The following VWA5A variants were observed in gnomAD, a reference collection of about 807,000 sequenced individuals.
VWA5A encodes the protein von Willebrand factor A domain-containing protein 5A.
VWA5A carries 77 observed loss-of-function variants against 84.6 expected under a neutral mutation model. The ratio of observed to expected loss-of-function variants is 0.91; its 90% CI spans 0.76 to 1.10. The LOEUF (loss-of-function observed/expected upper bound fraction) is 1.10. Among genes scored for constraint, VWA5A ranks in the 50% least tolerant of loss-of-function variants. The pLI is 0.00. For missense variants in VWA5A, 973 were observed against 963.0 expected (o/e 1.01, Z -0.14); for synonymous variants, 334 against 350.1 (o/e 0.95, Z 0.51).
intron 12 of VWA5A, among the ~76,000 whole-genome samples, chr11:124,135,549 G>A (rs1160435665): frequency 6.6e-5 from 3 of 45,132 alleles, no homozygotes; most frequent in African/African-American, 3.4e-4. Flanking sequence ...TTTTTTTTCT[G>A]AGACGGAGTC....
chr11:124,143,939 T>C (rs1037451459), intron 17 of VWA5A, among the ~76,000 whole-genome samples: 1 of 151,952 alleles, frequency 6.6e-6, no homozygotes, highest in Admixed American at 6.6e-5. Flanking sequence ...GATGAGAACA[T>C]GGACCAAGTA....
chr11:124,120,960 G>A (rs989760393), intron 7 of VWA5A, among the ~76,000 whole-genome samples: 2 of 152,158 alleles, frequency 1.3e-5, no homozygotes, highest in Non-Finnish European at 2.9e-5. Context: ...AGGCCAAGGG[G>A]GGACATCAGG....
intron 11 of VWA5A, among the ~76,000 whole-genome samples, chr11:124,127,882 T>C (rs1865043023): frequency 6.6e-6 from 1 of 152,158 alleles, no homozygotes; most frequent in South Asian, 2.1e-4. Flanking sequence ...TCTTGTAAAT[T>C]TGTAAGTTCT....
rs755982004 is a variant in VWA5A, at chr11:124,141,564, G to A, written c.1880-34G>A. 3 of 1,611,322 alleles carry A rather than the reference G, an allele frequency of 1.9e-6. No homozygotes were observed. In the Admixed American group the frequency reaches 5.0e-5, roughly 27 times the overall value. On this transcript the variant is annotated intron_variant, in intron 15 of 18. Transcript: ENST00000456829. ...TCCTTTGCCCACTGCAGAGAGCAGG[G>A]AGTGCCACTGTCTTAATGTTTGGAT...
intron 15 of VWA5A, among the ~76,000 whole-genome samples, chr11:124,139,855 G>A (rs923098754): frequency 1.3e-5 from 2 of 152,126 alleles, no homozygotes; most frequent in Non-Finnish European, 2.9e-5. Context: ...AGTGGTGAAA[G>A]TCAGCATCCT....
chr11:124,143,205 A>C (rs1362471392), intron 17 of VWA5A, among the ~76,000 whole-genome samples: 1 of 152,224 alleles, frequency 6.6e-6, no homozygotes, highest in Non-Finnish European at 1.5e-5. Flanking sequence ...GGAACCACCT[A>C]GTTGTTTCAG....
intron 13 of VWA5A, 28 bp from the exon 14 acceptor site, chr11:124,136,546 G>A (rs531293517): frequency 7.5e-6 from 12 of 1,603,558 alleles, no homozygotes; most frequent in Admixed American, 6.7e-5. Flanking sequence ...TACATGTTCC[G>A]TCATTTCTAC....
intron 17 of VWA5A, among the ~76,000 whole-genome samples, chr11:124,143,736 G>C (rs528538242): frequency 4.9e-4 from 75 of 152,182 alleles, no homozygotes; most frequent in African/African-American, 1.7e-3. Context: ...GGAAAATGCT[G>C]TTCTAGAAAA....
intron 17 of VWA5A, among the ~76,000 whole-genome samples, chr11:124,143,632 T>A (rs183401616): frequency 7.1e-4 from 108 of 152,344 alleles, no homozygotes; most frequent in African/African-American, 2.5e-3. Context: ...TTAAATAAAA[T>A]ATATCAGTAA....
Position 124,118,332 on chromosome 11 carries a change from G to T in VWA5A, c.390G>T (p.Val130=), listed in dbSNP as rs542643434. ...AGGCGGCAGTCACCCTGAAGTATGT[G>T]CAGGAGCTGCCTCTGGAAGCAGATG... ...GSKAAVTLKY[V]QELPLEADGA... Residue 130 remains valine, a synonymous_variant, in exon 5 of 19, where the codon GTG becomes GTT. Transcript: ENST00000456829. 1 of 1,614,232 alleles carries T rather than the reference G, an allele frequency of 6.2e-7. No homozygotes were observed. The highest frequency in any genetic ancestry group is 1.1e-5 in the South Asian group (1 of 91,088).
Position 124,134,913 on chromosome 11 carries a change from A to T in VWA5A, c.1245-7A>T. 1 of 1,608,886 alleles carries T rather than the reference A, an allele frequency of 6.2e-7. No individual in the cohort carries two copies. ...TTCCTCTAACCTCTGTCCTGTTACA[A>T]TTGCAGGTGTTTCTCATTTGGTATT... On this transcript the variant is annotated splice_polypyrimidine_tract_variant and splice_region_variant and intron_variant, in intron 11 of 18. Coordinates refer to ENST00000456829, the MANE Select transcript of VWA5A (RefSeq NM_001130142.2).
At chr11:124,122,105 C>T (rs1186298063) in intron 7 of VWA5A, among the ~76,000 whole-genome samples, 1 of 152,180 alleles carries the variant, frequency 6.6e-6, no homozygotes, top group African/African-American at 2.4e-5. Flanking sequence ...AATCCCAGGA[C>T]TACTGAGAAT....
chr11:124,133,964 C>G (rs1385524950), intron 11 of VWA5A, among the ~76,000 whole-genome samples: 1 of 152,186 alleles, frequency 6.6e-6, no homozygotes, highest in African/African-American at 2.4e-5. Flanking sequence ...CTAGGCTGCT[C>G]TTGAACTCCT....
intron 18 of VWA5A, 145 bp from the exon 19 acceptor site, chr11:124,145,721 C>G: frequency 1.2e-6 from 1 of 859,488 alleles, no homozygotes; most frequent in Non-Finnish European, 1.7e-6. Flanking sequence ...AGAGAAGATT[C>G]AAGGAGAATC....
Position 124,145,358 on chromosome 11 carries a change from A to G in VWA5A, c.2276A>G (p.His759Arg), listed in dbSNP as rs200614108. Residue 759 changes from histidine (H) to arginine (R), a missense_variant, in exon 18 of 19, where the codon CAT becomes CGT. Transcript: ENST00000456829. ...AAGGCCGTGGCCTGGATGCGTGCCC[A>G]TGCAGGTAGGAGCACAATCCTAAGG... ...ERKAVAWMRA[H>R]AGSTMPSVVK... The G allele has an allele frequency of 2.4e-4, 387 of 1,612,186 alleles. No homozygotes were observed. Among genetic ancestry groups the G allele is most frequent in the Middle Eastern group, 2.1e-3 (13 of 6,050 alleles).
chr11:124,119,615 T>A (rs186381879), intron 7 of VWA5A, among the ~76,000 whole-genome samples: 50 of 152,354 alleles, frequency 3.3e-4, no homozygotes, highest in African/African-American at 1.1e-3. Context: ...AAATATGCAC[T>A]GAGATGTCCC....
Position 124,137,231 on chromosome 11 carries a change from G to C in VWA5A, c.1842G>C (p.Leu614Phe), listed in dbSNP as rs911821209. ...GGGACGTCCCAAGGCCAATTCTGTTGGGTGCTTCTGCCCCATTGAAGATAA... is the reference window on the plus strand; with the variant it reads ...GGGACGTCCCAAGGCCAATTCTGTTCGGTGCTTCTGCCCCATTGAAGATAA... ...AHRDVPRPIL[L>F]GASAPLKIKC... is the part of the protein sequence containing the mutation. Residue 614 changes from leucine (L) to phenylalanine (F), a missense_variant, in exon 15 of 19, where the codon TTG (leucine) becomes TTC (phenylalanine). By Grantham distance (22) the Leu-to-Phe change is conservative. Transcript: ENST00000456829. The C allele has an allele frequency of 1.2e-6, 2 of 1,614,074 alleles. No individual in the cohort carries two copies. The highest frequency in any genetic ancestry group is 2.7e-5 in the African/African-American group (2 of 74,992).
intron 11 of VWA5A, 139 bp from the exon 12 acceptor site, chr11:124,134,781 A>G: frequency 1.8e-6 from 1 of 556,956 alleles, no homozygotes; most frequent in Non-Finnish European, 3.1e-6. Context: ...AATATAGAAT[A>G]TGCTCAGTAA....
At chr11:124,138,415 A>G (rs1423847934) in intron 15 of VWA5A, among the ~76,000 whole-genome samples, 5 of 152,170 alleles carry the variant, frequency 3.3e-5, no homozygotes, top group Non-Finnish European at 5.9e-5. Flanking sequence ...ATGGTGTGCA[A>G]GCATTCCCTT....
Sources: allele counts gnomAD v4.1 joint callset (sites outside exome capture counted in the v4.1 genomes callset), GRCh38; gene constraint gnomAD v4.1.1; transcripts MANE v1.5; gene names NCBI Gene and HGNC (gene_info 2026-07-23, HGNC 2026-07-21).